Variants in NUP160 observed in about 807,000 individuals in gnomAD.
NUP160 encodes the protein nucleoporin 160.
In NUP160, 94 loss-of-function variants were observed where a neutral mutation model predicts 196.9. The ratio of observed to expected loss-of-function variants is 0.48; its 90% CI spans 0.40 to 0.57. The LOEUF (loss-of-function observed/expected upper bound fraction) is 0.57. NUP160 is among the 20% of genes least tolerant of loss of function. The pLI is 0.00. For missense variants in NUP160, 1,638 were observed against 1,748.3 expected (o/e 0.94, Z 1.13); for synonymous variants, 605 against 619.7 (o/e 0.98, Z 0.35).
chr11:47,801,971 C>T (rs1318303561), intron 22 of NUP160, 41 bp from the exon 23 acceptor site: 1 of 1,603,324 alleles, frequency 6.2e-7, no homozygotes, highest in African/African-American at 1.3e-5. Context: ...ACAGATCATT[C>T]AAATTCTAGG....
At chr11:47,838,733 C>T (rs894284060) in intron 4 of NUP160, among the ~76,000 whole-genome samples, 2 of 151,574 alleles carry the variant, frequency 1.3e-5, no homozygotes, top group Non-Finnish European at 2.9e-5. Flanking sequence ...AGGCCAGGTG[C>T]GGTGGCTCAA....
At chr11:47,840,342 T>G (rs754705565) in intron 3 of NUP160, 36 bp downstream of exon 3, 1 of 1,536,534 alleles carries the variant, frequency 6.5e-7, no homozygotes. Context: ...CCAGAGTAAT[T>G]TGGGAAATAA....
chr11:47,821,914 T>C, intron 8 of NUP160, 93 bp from the exon 9 acceptor site: 1 of 1,097,984 alleles, frequency 9.1e-7, no homozygotes. Flanking sequence ...GAGGTAAATG[T>C]ATGAAAACAA....
intron 7 of NUP160, among the ~76,000 whole-genome samples, chr11:47,828,741 T>C (rs1015019058): frequency 2.0e-5 from 3 of 152,168 alleles, no homozygotes; most frequent in East Asian, 1.9e-4. Flanking sequence ...AGGTCAGATA[T>C]ATAGATCAAT....
At chr11:47,819,517 G>A in intron 9 of NUP160, 59 bp from the exon 10 acceptor site, 2 of 1,218,106 alleles carry the variant, frequency 1.6e-6, no homozygotes, top group Non-Finnish European at 2.4e-6. Flanking sequence ...TGAAATGTAT[G>A]CTGTTGGCAG....
intron 19 of NUP160, 166 bp from the exon 20 acceptor site, chr11:47,806,478 T>A: frequency 1.8e-6 from 1 of 549,446 alleles, no homozygotes; most frequent in Non-Finnish European, 3.2e-6. Flanking sequence ...AAGTAGTCTG[T>A]AAATTGTGAG....
intron 17 of NUP160, among the ~76,000 whole-genome samples, chr11:47,810,832 CA>C (rs1174357498): frequency 6.6e-6 from 1 of 152,118 alleles, no homozygotes; most frequent in Non-Finnish European, 1.5e-5. Context: ...AGGTGTGAGC[CA>C]CTGTGCCCAG....
Position 47,812,578 on chromosome 11 carries a change from C to T in NUP160, c.1953-149G>A, listed in dbSNP as rs949296104. 21 of 781,836 alleles carry T rather than the reference C, an allele frequency of 2.7e-5. No individual in the cohort carries two copies. The East Asian group carries it at 5.1e-4, about 19-fold the overall frequency. 48.4% of individuals were successfully genotyped at this position (781,836 alleles called of 1,614,324 possible). A position where few individuals can be genotyped will look rare whatever the true frequency, so the allele number is the denominator to read the frequency against. On this transcript the variant is annotated intron_variant, in intron 15 of 35. Transcript: ENST00000378460. ...TGGCATATAAGATACAGTCCCTATG[C>T]ATAGCAAATTTCCTCTCAGTTTTTC...
chr11:47,808,456 G>T (rs749160741), exon 18 of NUP160: 5 of 1,613,850 alleles, frequency 3.1e-6, no homozygotes, highest in South Asian at 1.1e-5. Flanking sequence ...GAGGTAATAA[G>T]ATAAGAGTAG....
chr11:47,836,138 C>G (rs1389941277), intron 6 of NUP160, among the ~76,000 whole-genome samples: 1 of 152,102 alleles, frequency 6.6e-6, no homozygotes, highest in East Asian at 1.9e-4. Flanking sequence ...ATCCCAGCTA[C>G]TTGGGAAGCT....
chr11:47,810,709 G>A (rs1163175938), intron 17 of NUP160, among the ~76,000 whole-genome samples: 3 of 151,754 alleles, frequency 2.0e-5, no homozygotes, highest in Admixed American at 1.3e-4. Context: ...ACCAGACCCC[G>A]CTAACTTTTT....
At chr11:47,803,657 T>G in intron 21 of NUP160, 121 bp from the exon 22 acceptor site, 5 of 652,996 alleles carry the variant, frequency 7.7e-6, no homozygotes, top group Non-Finnish European at 1.1e-5. Context: ...TTTTATTTCC[T>G]GACATAATTC....
chr11:47,812,842 A>G (rs1719561804), intron 15 of NUP160, 40 bp downstream of exon 15: 1 of 1,561,712 alleles, frequency 6.4e-7, no homozygotes, highest in Non-Finnish European at 8.7e-7. Context: ...AAAATGCTGA[A>G]TTTCCATTAG....
intron 7 of NUP160, among the ~76,000 whole-genome samples, chr11:47,833,272 G>A (rs1003646734): frequency 2.0e-5 from 3 of 152,012 alleles, no homozygotes; most frequent in African/African-American, 7.2e-5. Context: ...TGGCCCACAT[G>A]GTGAAACCCC....
intron 33 of NUP160, among the ~76,000 whole-genome samples, chr11:47,784,037 AC>A (rs2097663075): frequency 6.6e-6 from 1 of 151,310 alleles, no homozygotes; most frequent in Non-Finnish European, 1.5e-5. Context: ...AACAAAAAAA[AC>A]AAAACAAAAC....
chr11:47,792,803 G>A (rs768342676), exon 28 of NUP160: 1 of 1,612,776 alleles, frequency 6.2e-7, no homozygotes, highest in East Asian at 2.2e-5. Context: ...CCAGACACTG[G>A]CTGCACAATC....
At chr11:47,785,384 TCCTC>T (rs2135342989) in intron 32 of NUP160, among the ~76,000 whole-genome samples, 1 of 152,154 alleles carries the variant, frequency 6.6e-6, no homozygotes, top group African/African-American at 2.4e-5. Context: ...TCTGACCTTG[TCCTC>T]CCTAAGTGTT....
exon 23 of NUP160, chr11:47,801,896 A>G (rs1294214849): frequency 1.2e-6 from 2 of 1,613,716 alleles, no homozygotes; most frequent in Admixed American, 1.7e-5. Context: ...CTCTTTGCCT[A>G]CTTCAGATGC....
intron 13 of NUP160, among the ~76,000 whole-genome samples, chr11:47,814,538 C>CAAA (rs1164398938): frequency 1.1e-5 from 1 of 91,322 alleles, no homozygotes; most frequent in Admixed American, 1.1e-4. Flanking sequence ...AAGACTGTCT[C>CAAA]AAAAAAAAAA....
Sources: allele counts gnomAD v4.1 joint callset (sites outside exome capture counted in the v4.1 genomes callset), GRCh38; gene constraint gnomAD v4.1.1; transcripts MANE v1.5; gene names NCBI Gene and HGNC (gene_info 2026-07-23, HGNC 2026-07-21).